GRIN2B: variants seen among roughly 807,000 people sequenced by gnomAD.
The protein encoded by GRIN2B is glutamate receptor ionotropic, NMDA 2B.
GRIN2B carries 5 observed loss-of-function variants against 114.5 expected under a neutral mutation model. The ratio of observed to expected loss-of-function variants is 0.04; its 90% CI spans 0.02 to 0.09. The LOEUF (loss-of-function observed/expected upper bound fraction) is 0.09, where lower values mean the gene tolerates loss of function less well. Ranked by LOEUF, GRIN2B falls within the 10% of genes least tolerant of loss-of-function variation. The pLI, the probability that GRIN2B is intolerant of heterozygous loss-of-function variation, is 1.00. For missense variants in GRIN2B, 1,108 were observed against 1,943.5 expected, an observed-to-expected ratio of 0.57 and a Z score of 8.08; for synonymous variants, 787 against 745.1, an observed-to-expected ratio of 1.06 and a Z score of -0.92.
intron 2 of GRIN2B, among the ~76,000 whole-genome samples, chr12:13,945,304 G>A (rs1399273445): frequency 6.6e-6 from 1 of 152,116 alleles, no homozygotes; most frequent in Non-Finnish European, 1.5e-5. Context: ...GAAGTGGCAG[G>A]GTGGTAAGCA....
intron 5 of GRIN2B, among the ~76,000 whole-genome samples, chr12:13,661,706 C>T (rs1171557225): frequency 1.3e-5 from 2 of 152,176 alleles, no homozygotes; most frequent in African/African-American, 4.8e-5. Context: ...GGGACACTTG[C>T]AGGGGGCTGA....
rs1475762075 is a variant in GRIN2B at position 13,549,016 on chromosome 12, G to A, written c.*13767C>T. 1 of 143,174 alleles carries A rather than the reference G, an allele frequency of 7.0e-6. No homozygotes were observed. The highest frequency in any genetic ancestry group is 1.6e-5 in the Non-Finnish European group (1 of 63,160). 8.9% of individuals were successfully genotyped at this position (143,174 alleles called of 1,614,324 possible). On this transcript the variant is annotated 3_prime_UTR_variant, in exon 14 of 14. Transcript: ENST00000609686. ...TAGGAAGGACTGATAAAAAAAAAAA[G>A]TTACTCTACATTAAGCAGGACACTA...
chr12:13,767,400 G>A (rs1046546198), intron 3 of GRIN2B, among the ~76,000 whole-genome samples: 3 of 151,924 alleles, frequency 2.0e-5, no homozygotes, highest in African/African-American at 2.4e-5. Context: ...CTCCATGTCT[G>A]TTAAAGAAAT....
intron 3 of GRIN2B, among the ~76,000 whole-genome samples, chr12:13,775,170 A>T (rs1016130932): frequency 6.6e-6 from 1 of 152,148 alleles, no homozygotes; most frequent in Non-Finnish European, 1.5e-5. Context: ...CCTAATAAAC[A>T]CCAAACACTG....
rs1386255342 is a variant in GRIN2B, at chr12:13,556,556, T to G, written c.*6227A>C. 2 of 152,150 alleles carry G rather than the reference T, an allele frequency of 1.3e-5. No homozygotes were observed. The highest frequency in any genetic ancestry group is 2.9e-5 in the Non-Finnish European group (2 of 68,016). 9.4% of individuals were successfully genotyped at this position (152,150 alleles called of 1,614,324 possible). ...CACCTCCTAAATCACAACATTAAAA[T>G]AATTACCGATAAAAGAGTTCAGGTT... is the stretch of plus-strand genomic sequence containing the variant. On this transcript the variant is annotated 3_prime_UTR_variant, in exon 14 of 14. Transcript: ENST00000609686.
In GRIN2B at chr12:13,681,230, C is replaced by A. The variant is rs968742197; in HGVS notation, c.1011-5371G>T. 2.6e-5 allele frequency among the ~76,000 whole-genome samples: 4 copies of A among 152,240 alleles called. No individual in the cohort carries two copies. The East Asian group carries it at 5.8e-4, about 22-fold the overall frequency. On this transcript the variant is annotated intron_variant, in intron 4 of 13. Coordinates refer to ENST00000609686, the MANE Select transcript of GRIN2B (RefSeq NM_000834.5). ...TTAAAATTAATATCTGCTAATGTGT[C>A]AATCAGAGAAGAGATAGCATCTCAT...
intron 4 of GRIN2B, among the ~76,000 whole-genome samples, chr12:13,699,092 T>TGATGATG (rs1950287823): frequency 1.3e-5 from 2 of 152,234 alleles, no homozygotes; most frequent in African/African-American, 4.8e-5. Flanking sequence ...ATGACAACTA[T>TGATGATG]ATAAAAGTAA....
intron 5 of GRIN2B, among the ~76,000 whole-genome samples, chr12:13,640,114 G>A (rs958003211): frequency 2.6e-5 from 4 of 152,122 alleles, no homozygotes; most frequent in African/African-American, 9.7e-5. Flanking sequence ...GACCAGGCAT[G>A]GTGGTACATG....
intron 4 of GRIN2B, among the ~76,000 whole-genome samples, chr12:13,701,707 C>T (rs948847147): frequency 5.3e-5 from 8 of 151,446 alleles, no homozygotes; most frequent in African/African-American, 1.9e-4. Context: ...ATGACTAGCA[C>T]AAGAAGCCCA....
chr12:13,833,697 G>A (rs1027659658), intron 3 of GRIN2B, among the ~76,000 whole-genome samples: 10 of 152,114 alleles, frequency 6.6e-5, no homozygotes, highest in African/African-American at 1.2e-4. Context: ...CCTTGCAACC[G>A]AAGGGGCTCA....
chr12:13,954,417 C>T (rs1318490832), intron 2 of GRIN2B, among the ~76,000 whole-genome samples: 1 of 152,148 alleles, frequency 6.6e-6, no homozygotes, highest in Non-Finnish European at 1.5e-5. Flanking sequence ...GCTCAGAGCA[C>T]TTCTACCTCC....
rs1427827056 is a variant in GRIN2B at position 13,692,760 on chromosome 12, C to CTTTCTTTTTTTTTTTTTT, written c.1011-16902_1011-16901insAAAAAAAAAAAAAAGAAA. On this transcript the variant is annotated intron_variant, in intron 4 of 13. Transcript: ENST00000609686. ...ACTTATTTTCATTAATCTTTCTTTT[C>CTTTCTTTTTTTTTTTTTT]TTTTTTTTTTTTTTTTTTTTTTTTT... 6.9e-3 allele frequency among the ~76,000 whole-genome samples: 360 copies of CTTTCTTTTTTTTTTTTTT among 51,962 alleles called. 43 individuals are homozygous for CTTTCTTTTTTTTTTTTTT. Among genetic ancestry groups the CTTTCTTTTTTTTTTTTTT allele is most frequent in the Non-Finnish European group, 9.2e-3 (253 of 27,446 alleles). The allele number at this position is 51,962 out of a possible 152,430, so 34.1% of individuals were successfully genotyped here.
intron 4 of GRIN2B, among the ~76,000 whole-genome samples, chr12:13,727,953 TG>T (rs575697079): frequency 2.0e-5 from 3 of 152,334 alleles, no homozygotes; most frequent in African/African-American, 7.2e-5. Context: ...CATGCATCAT[TG>T]ACCCTTTCAC....
chr12:13,551,835 G>A lies in GRIN2B; in HGVS notation c.*10948C>T, dbSNP rs1948417147. ...GGTTTGCAGAGGGTTCTTATGTCAT[G>A]GTCAAAGGGAGCATTAAAATAGCCA... On this transcript the variant is annotated 3_prime_UTR_variant, in exon 14 of 14. Coordinates refer to ENST00000609686, the MANE Select transcript of GRIN2B (RefSeq NM_000834.5). 1.3e-5 allele frequency: 2 copies of A among 152,114 alleles called. No individual in the cohort carries two copies. The highest frequency in any genetic ancestry group is 4.1e-4 in the South Asian group (2 of 4,830). 9.4% of individuals were successfully genotyped at this position (152,114 alleles called of 1,614,324 possible).
intron 4 of GRIN2B, among the ~76,000 whole-genome samples, chr12:13,699,367 A>C (rs11055591): frequency 0.015 from 2,250 of 152,288 alleles, 62 homozygotes; most frequent in African/African-American, 0.051. Context: ...AAGTACAGTA[A>C]GCAAGCTTGG....
At chr12:13,919,758 G>A (rs548444830) in intron 2 of GRIN2B, among the ~76,000 whole-genome samples, 21 of 152,180 alleles carry the variant, frequency 1.4e-4, no homozygotes, top group African/African-American at 3.9e-4. Context: ...TGCGGGGATC[G>A]TCTCCCTGGA....
At chr12:13,854,815 G>A (rs1313078524) in intron 3 of GRIN2B, among the ~76,000 whole-genome samples, 1 of 152,022 alleles carries the variant, frequency 6.6e-6, no homozygotes, top group East Asian at 1.9e-4. Context: ...TTTATTCAAT[G>A]GAGACTTACC....
intron 2 of GRIN2B, among the ~76,000 whole-genome samples, chr12:13,971,327 G>A (rs1862908160): frequency 6.6e-6 from 1 of 152,118 alleles, no homozygotes; most frequent in African/African-American, 2.4e-5. Context: ...TCATAAATCT[G>A]GGTTTTTTCT....
chr12:13,562,825 C>A lies in GRIN2B; in HGVS notation c.4413G>T (p.Gly1471=). 1 of 1,614,160 alleles carries A rather than the reference C, an allele frequency of 6.2e-7. No homozygotes were observed. The highest frequency in any genetic ancestry group is 8.5e-7 in the Non-Finnish European group (1 of 1,179,976). ...TACTAGAAAGTTTCTCATAAACATGCCCATTGCTGGAGCCATTGAAAGCCC... is the reference window on the plus strand; with the variant it reads ...TACTAGAAAGTTTCTCATAAACATGACCATTGCTGGAGCCATTGAAAGCCC... ...NPRAFNGSSN[G]HVYEKLSSIE... The change falls in exon 14 of 14, where the codon GGG becomes GGT. Residue 1471 remains glycine, a synonymous_variant. Coordinates refer to ENST00000609686, the MANE Select transcript of GRIN2B (RefSeq NM_000834.5).
Sources: allele counts gnomAD v4.1 joint callset (sites outside exome capture counted in the v4.1 genomes callset), GRCh38; gene constraint gnomAD v4.1.1; transcripts MANE v1.5; gene names NCBI Gene and HGNC (gene_info 2026-07-23, HGNC 2026-07-21).